The following SPECC1 variants were observed in gnomAD, a reference collection of about 807,000 sequenced individuals.
SPECC1 encodes sperm antigen with calponin homology and coiled-coil domains 1.
A neutral mutation model predicts 104.1 loss-of-function variants in SPECC1; 62 were observed. The observed-to-expected ratio is 0.60, with a 90% CI of 0.49 to 0.74. The LOEUF (loss-of-function observed/expected upper bound fraction) is 0.74. Ranked by LOEUF, SPECC1 falls within the 30% of genes least tolerant of loss-of-function variation. SPECC1 has a pLI of 0.00. For missense variants in SPECC1, 1,306 were observed against 1,310.5 expected (o/e 1.00, Z 0.05); for synonymous variants, 513 against 501.6 (o/e 1.02, Z -0.30).
At chr17:20,082,720 A>G (rs543817857) in intron 1 of SPECC1, among the ~76,000 whole-genome samples, 1 of 152,188 alleles carries the variant, frequency 6.6e-6, no homozygotes, top group Non-Finnish European at 1.5e-5. Flanking sequence ...GGGCTCAACC[A>G]TATGACCTCA....
Position 20,022,459 on chromosome 17 carries a change from AGC to A in SPECC1, c.-22+13036_-22+13037del, listed in dbSNP as rs572001434. On this transcript the variant is annotated intron_variant, in intron 1 of 14. Transcript: ENST00000395527. ...AGTTTCTCCTAATATGTTATACGTC[AGC>A]TTTTTGGTTGGTATCTGTGTTGGAT... is the stretch of plus-strand genomic sequence containing the variant. 4.4e-3 allele frequency among the ~76,000 whole-genome samples: 664 copies of A among 152,278 alleles called. 4 individuals carry two copies. Among genetic ancestry groups the A allele is most frequent in the Admixed American group, 7.7e-3 (118 of 15,296 alleles).
chr17:20,062,542 T>G (rs968477572), intron 1 of SPECC1, among the ~76,000 whole-genome samples: 1 of 151,906 alleles, frequency 6.6e-6, no homozygotes, highest in Non-Finnish European at 1.5e-5. Context: ...TTTAAAAACT[T>G]TTTTTAGAGA....
chr17:20,103,945 G>T (rs977181164), intron 2 of SPECC1, among the ~76,000 whole-genome samples: 1 of 152,166 alleles, frequency 6.6e-6, no homozygotes, highest in Non-Finnish European at 1.5e-5. Context: ...GAGAAAGGGA[G>T]CCCCACCCTC....
intron 1 of SPECC1, among the ~76,000 whole-genome samples, chr17:20,075,519 T>C (rs909157560): frequency 6.6e-6 from 1 of 152,138 alleles, no homozygotes; most frequent in Non-Finnish European, 1.5e-5. Flanking sequence ...TTCTGGATTT[T>C]TTGCTGGGTG....
At chr17:20,300,611 TC>T (rs1340984155) in intron 13 of SPECC1, among the ~76,000 whole-genome samples, 13 of 152,210 alleles carry the variant, frequency 8.5e-5, no homozygotes, top group Non-Finnish European at 1.9e-4. Flanking sequence ...GTTCTCAGGC[TC>T]CAAATTGTGA....
At chr17:20,178,285 C>A (rs1056328246) in intron 3 of SPECC1, among the ~76,000 whole-genome samples, 2 of 152,114 alleles carry the variant, frequency 1.3e-5, no homozygotes, top group African/African-American at 4.8e-5. Context: ...TCTCTTGAGA[C>A]GTGAGATCAG....
intron 4 of SPECC1, among the ~76,000 whole-genome samples, chr17:20,213,687 G>A (rs1307986984): frequency 6.6e-6 from 1 of 152,110 alleles, no homozygotes; most frequent in African/African-American, 2.4e-5. Flanking sequence ...GAGTGTATGG[G>A]GTGGGGACTC....
chr17:20,222,610 A>C (rs1187151753), intron 4 of SPECC1, among the ~76,000 whole-genome samples: 1 of 152,180 alleles, frequency 6.6e-6, no homozygotes, highest in African/African-American at 2.4e-5. Context: ...CTCTTGATAG[A>C]TTCATCTTTT....
At chr17:20,162,832 A>G (rs1397320648) in intron 3 of SPECC1, among the ~76,000 whole-genome samples, 1 of 152,246 alleles carries the variant, frequency 6.6e-6, no homozygotes, top group Non-Finnish European at 1.5e-5. Flanking sequence ...GTTCGAGACC[A>G]GCCTGACCAA....
intron 3 of SPECC1, among the ~76,000 whole-genome samples, chr17:20,150,368 C>T (rs1044336774): frequency 4.6e-5 from 7 of 151,336 alleles, no homozygotes; most frequent in African/African-American, 9.7e-5. Flanking sequence ...GCCTCAGCCT[C>T]CCAAGTAGCT....
At position 20,257,727 on chromosome 17, in the gene SPECC1, C is replaced by G. The variant is rs1187478409; in HGVS notation, c.2837+120C>G. 26 of 1,319,206 alleles carry G rather than the reference C, an allele frequency of 2.0e-5. No individual in the cohort carries two copies. In the Admixed American group the frequency reaches 2.1e-4, roughly 11 times the overall value. The allele number at this position is 1,319,206 out of a possible 1,614,324, so 81.7% of individuals were successfully genotyped here. ...ACAAATATTTCCTGCATGAAAATGACTAAGACACTGTGCCTGCCCTTGGTG... is the reference window on the plus strand; with the variant it reads ...ACAAATATTTCCTGCATGAAAATGAGTAAGACACTGTGCCTGCCCTTGGTG... On this transcript the variant is annotated intron_variant, in intron 11 of 14. Transcript: ENST00000395527.
At chr17:20,115,210 C>T (rs1271642802) in intron 3 of SPECC1, among the ~76,000 whole-genome samples, 1 of 152,168 alleles carries the variant, frequency 6.6e-6, no homozygotes, top group Admixed American at 6.5e-5. Flanking sequence ...CACGGTGGCT[C>T]ACACCTGTAA....
rs187764833 is a variant in SPECC1, at chr17:20,315,920, C to G, written c.*1855C>G. The G allele has an allele frequency of 4.1e-4, 96 of 232,634 alleles. No homozygotes were observed. In the Middle Eastern group the frequency reaches 6.4e-3, roughly 15 times the overall value. The allele number at this position is 232,634 out of a possible 1,614,324, so 14.4% of individuals were successfully genotyped here. A position where few individuals can be genotyped will look rare whatever the true frequency, so the allele number is the denominator to read the frequency against. The stretch of plus-strand genomic sequence containing the variant: ...AACTTCAGAATGTCTGGAATGGGAC[C>G]AGAGATGCAGTTCACATGTTTTGTA... On this transcript the variant is annotated 3_prime_UTR_variant, in exon 15 of 15. Transcript: ENST00000395527.
At chr17:20,126,525 G>A (rs1188868262) in intron 3 of SPECC1, 1 of 151,992 alleles carries the variant, frequency 6.6e-6, no homozygotes, top group African/African-American at 2.4e-5. Flanking sequence ...AAAATATTTA[G>A]TTTGGAACTG....
intron 12 of SPECC1, among the ~76,000 whole-genome samples, chr17:20,276,179 C>T (rs2040569841): frequency 6.6e-6 from 1 of 152,068 alleles, no homozygotes. Context: ...TGTAGTGGCA[C>T]AATCATAGCT....
chr17:20,055,310 C>T (rs1361147148), intron 1 of SPECC1, among the ~76,000 whole-genome samples: 1 of 151,794 alleles, frequency 6.6e-6, no homozygotes, highest in African/African-American at 2.4e-5. Context: ...TATGTATATA[C>T]CACATATTGT....
chr17:20,231,940 G>T, intron 6 of SPECC1, 109 bp downstream of exon 6: 1 of 1,181,156 alleles, frequency 8.5e-7, no homozygotes, highest in Admixed American at 1.9e-5. Context: ...CCACGGCATG[G>T]TGGGCCCTGG....
intron 14 of SPECC1, among the ~76,000 whole-genome samples, chr17:20,308,075 T>A (rs2142181074): frequency 6.6e-6 from 1 of 152,202 alleles, no homozygotes; most frequent in African/African-American, 2.4e-5. Flanking sequence ...TGGGAAAATC[T>A]AAGTTGAAAT....
chr17:20,161,145 A>C (rs913906112), intron 3 of SPECC1, among the ~76,000 whole-genome samples: 3 of 152,210 alleles, frequency 2.0e-5, no homozygotes, highest in African/African-American at 7.2e-5. Context: ...CGGGAGGCGG[A>C]GGTTGCAGTG....
Sources: allele counts gnomAD v4.1 joint callset (sites outside exome capture counted in the v4.1 genomes callset), GRCh38; gene constraint gnomAD v4.1.1; transcripts MANE v1.5; gene names NCBI Gene and HGNC (gene_info 2026-07-23, HGNC 2026-07-21).